Variants in LCTL observed in about 807,000 individuals in gnomAD.
LCTL encodes the protein lactase like.
Under a neutral mutation model 75.8 loss-of-function variants are expected in LCTL, and 76 were observed. The observed-to-expected ratio is 1.00, with a 90% CI of 0.83 to 1.21. LCTL has a LOEUF of 1.21. Among genes scored for constraint, LCTL ranks in the 50% most tolerant of loss-of-function variants. LCTL has a pLI of 0.00. For synonymous variants in LCTL, 271 were observed against 268.8 expected (o/e 1.01, Z -0.08); for missense variants, 670 against 712.4 (o/e 0.94, Z 0.68).
intron 6 of LCTL, among the ~76,000 whole-genome samples, chr15:66,558,687 G>GTTTTT (rs11354993): frequency 1.5e-4 from 15 of 97,548 alleles, no homozygotes; most frequent in Non-Finnish European, 1.8e-4. Flanking sequence ...GTGTGTGTGT[G>GTTTTT]TTTTTTTTTT....
At chr15:66,565,151 A>G in intron 1 of LCTL, 97 bp downstream of exon 2, 2 of 837,438 alleles carry the variant, frequency 2.4e-6, no homozygotes, top group East Asian at 2.4e-5. Context: ...TCATCCTGCC[A>G]ATCAGGAAGC....
chr15:66,564,955 G>A, intron 1 of LCTL, 116 bp from the exon 3 acceptor site: 1 of 921,814 alleles, frequency 1.1e-6, no homozygotes, highest in Admixed American at 2.5e-5. Context: ...CGCTGCCCCT[G>A]TCCCACTGGG....
chr15:66,564,461 C>T, intron 2 of LCTL: 1 of 564,806 alleles, frequency 1.8e-6, no homozygotes, highest in Non-Finnish European at 3.1e-6. Flanking sequence ...TTCCTTTCCT[C>T]CTACATCCAC....
chr15:66,565,238 G>A lies in LCTL; in HGVS notation c.118+10C>T, dbSNP rs1032391084. 1.2e-5 allele frequency: 18 copies of A among 1,560,216 alleles called. No homozygotes were observed. Among genetic ancestry groups the A allele is most frequent in the East Asian group, 2.2e-5 (1 of 44,628 alleles). On this transcript the variant is annotated intron_variant, in intron 1 of 12. Transcript: ENST00000341509. ...GACAGGCAGACAGACGAACAGAGGCGTGGCCGTACCAAGAGGGAAGGTTCC... is the reference window on the plus strand; with the variant it reads ...GACAGGCAGACAGACGAACAGAGGCATGGCCGTACCAAGAGGGAAGGTTCC...
rs1240318503 is a variant in LCTL, at chr15:66,564,741, C to T, written c.217G>A (p.Gly73Arg). The change falls in exon 2 of 13, where the codon GGG (glycine) becomes AGG (arginine). Residue 73 changes from glycine to arginine, a missense_variant. By Grantham distance (125) the Gly-to-Arg change is moderately radical (BLOSUM62 -2). Coordinates refer to ENST00000341509, the Ensembl canonical transcript of LCTL. ...TCATTCCCAAGCACTTTCCCCTTCC[C>T]ACTGTGTGTGAAGACGTCCCAGATG... is the stretch of plus-strand genomic sequence containing the variant. The T allele has an allele frequency of 2.5e-6, 4 of 1,613,576 alleles. No individual in the cohort carries two copies. Among genetic ancestry groups the T allele is most frequent in the African/African-American group, 2.7e-5 (2 of 74,698 alleles).
intron 6 of LCTL, among the ~76,000 whole-genome samples, chr15:66,559,577 G>T (rs148763015): frequency 0.01 from 1,525 of 152,104 alleles, 23 homozygotes; most frequent in African/African-American, 0.035. Context: ...GTGTGGTGGC[G>T]TATGCCTGTA....
At chr15:66,565,164 G>A (rs1158773207) in intron 1 of LCTL, 84 bp downstream of exon 2, 2 of 903,088 alleles carry the variant, frequency 2.2e-6, no homozygotes, top group Non-Finnish European at 3.7e-6. Context: ...CAGGAAGCAA[G>A]AACACCAAAC....
At chr15:66,562,672 C>T (rs967857531) in intron 4 of LCTL, among the ~76,000 whole-genome samples, 5 of 151,576 alleles carry the variant, frequency 3.3e-5, no homozygotes, top group Admixed American at 2.0e-4. Context: ...GCAATCTTTG[C>T]TTCCCGGGTT....
At chr15:66,553,421 C>T (rs1895661049) in intron 8 of LCTL, among the ~76,000 whole-genome samples, 163 bp from the exon 10 acceptor site, 1 of 152,146 alleles carries the variant, frequency 6.6e-6, no homozygotes, top group Non-Finnish European at 1.5e-5. Flanking sequence ...TTTGAAATTT[C>T]AATACTGTCC....
At chr15:66,557,845 G>A (rs556612938) in exon 8 of LCTL, 3 of 1,614,016 alleles carry the variant, frequency 1.9e-6, no homozygotes, top group Non-Finnish European at 2.5e-6. Flanking sequence ...ATGTCCACAG[G>A]TTCCCCCCAG....
intron 6 of LCTL, among the ~76,000 whole-genome samples, chr15:66,558,815 C>CCT (rs1399951853): frequency 1.3e-5 from 2 of 151,714 alleles, no homozygotes; most frequent in East Asian, 3.9e-4. Flanking sequence ...CCTGCTTCAG[C>CCT]CTCCTGAGTA....
intron 7 of LCTL, 35 bp downstream of exon 8, chr15:66,557,942 ACTTGG>A: frequency 1.2e-6 from 2 of 1,608,664 alleles, no homozygotes; most frequent in Non-Finnish European, 1.7e-6. Flanking sequence ...TGCTCCGGGC[ACTTGG>A]CTGTCCTGGG....
exon 13 of LCTL, chr15:66,548,420 C>G: frequency 1.4e-6 from 1 of 735,490 alleles, no homozygotes; most frequent in Non-Finnish European, 2.3e-6. Flanking sequence ...TGTATGGAAA[C>G]CCTCAAAGCA....
chr15:66,565,102 G>T (rs1159200423), intron 1 of LCTL, 146 bp downstream of exon 2: 3 of 710,390 alleles, frequency 4.2e-6, no homozygotes, highest in Non-Finnish European at 7.5e-6. Flanking sequence ...AAAAATATCT[G>T]TTAGGAGCTT....
exon 9 of LCTL, chr15:66,553,131 C>T (rs772368445): frequency 1.8e-5 from 29 of 1,611,714 alleles, no homozygotes; most frequent in East Asian, 4.5e-5. Context: ...AGTTCCTTTC[C>T]GTGATGTACC....
chr15:66,561,035 G>A, exon 6 of LCTL: 1 of 1,614,100 alleles, frequency 6.2e-7, no homozygotes, highest in Non-Finnish European at 8.5e-7. Flanking sequence ...GCCTTGTACA[G>A]GCCGGTGCCG....
At position 66,558,783 on chromosome 15, in the gene LCTL, C is replaced by T. The variant is rs557948141; in HGVS notation, c.706-747G>A. The stretch of plus-strand genomic sequence containing the variant: ...CAATCTTGGCTCACTGTAACCTCTG[C>T]CTCCCAGGTTCAAGCCATTCTCCTG... On this transcript the variant is annotated intron_variant, in intron 6 of 12. Transcript: ENST00000341509. Among the ~76,000 whole-genome samples, 16 of 151,244 alleles carry T rather than the reference C, an allele frequency of 1.1e-4. No individual in the cohort carries two copies. The East Asian group carries it at 3.1e-3, about 29-fold the overall frequency.
At chr15:66,551,995 G>T (rs753970820) in intron 10 of LCTL, 48 bp downstream of exon 11, 19 of 1,586,064 alleles carry the variant, frequency 1.2e-5, no homozygotes, top group Middle Eastern at 2.1e-4. Flanking sequence ...ATCACATTTT[G>T]TCTCAGTTAA....
chr15:66,563,748 G>A, intron 3 of LCTL, 123 bp from the exon 5 acceptor site: 2 of 856,692 alleles, frequency 2.3e-6, no homozygotes, highest in Non-Finnish European at 3.7e-6. Flanking sequence ...CAGCCCACCA[G>A]CATTCTGGGA....
Sources: allele counts gnomAD v4.1 joint callset (sites outside exome capture counted in the v4.1 genomes callset), GRCh38; gene constraint gnomAD v4.1.1; transcripts MANE v1.5; gene names NCBI Gene and HGNC (gene_info 2026-07-23, HGNC 2026-07-21).